Variants in KCNU1 observed in about 807,000 individuals in gnomAD.
The protein encoded by KCNU1 is potassium channel subfamily U member 1.
In KCNU1, 93 loss-of-function variants were observed where a neutral mutation model predicts 126.8. That is an observed-to-expected ratio of 0.73 (90% CI 0.62 to 0.87). KCNU1 has a LOEUF of 0.87. KCNU1 is among the 40% of genes least tolerant of loss of function. KCNU1 has a pLI of 0.00. For synonymous variants in KCNU1, 523 were observed against 494.2 expected (o/e 1.06, Z -0.77); for missense variants, 1,330 against 1,367.1 (o/e 0.97, Z 0.43).
At chr8:36,833,081 C>T (rs1804613421) in intron 10 of KCNU1, among the ~76,000 whole-genome samples, 1 of 151,988 alleles carries the variant, frequency 6.6e-6, no homozygotes, top group Admixed American at 6.6e-5. Context: ...AAGAAAAATA[C>T]CGTTTTGATA....
intron 2 of KCNU1, among the ~76,000 whole-genome samples, chr8:36,799,698 C>CT (rs1456249684): frequency 2.0e-4 from 27 of 135,542 alleles, no homozygotes; most frequent in Admixed American, 4.6e-4. Context: ...CCACACTTGG[C>CT]TATTTTTTTT....
intron 2 of KCNU1, among the ~76,000 whole-genome samples, chr8:36,802,129 A>T (rs1803334405): frequency 6.7e-6 from 1 of 149,394 alleles, no homozygotes; most frequent in African/African-American, 2.5e-5. Flanking sequence ...AAAAAAAAAA[A>T]AAAGGAACTT....
intron 24 of KCNU1, chr8:36,928,841 G>C: frequency 1.7e-6 from 1 of 575,102 alleles, no homozygotes; most frequent in South Asian, 2.1e-5. Context: ...GACAACCAGT[G>C]TCAGAACCAC....
intron 8 of KCNU1, among the ~76,000 whole-genome samples, chr8:36,814,779 A>G (rs1234920065): frequency 6.6e-6 from 1 of 152,226 alleles, no homozygotes; most frequent in Non-Finnish European, 1.5e-5. Flanking sequence ...AACAGCATTT[A>G]ACTTTAGAGA....
At chr8:36,910,433 C>T (rs1330228764) in intron 21 of KCNU1, among the ~76,000 whole-genome samples, 1 of 152,136 alleles carries the variant, frequency 6.6e-6, no homozygotes, top group East Asian at 1.9e-4. Context: ...AGACTCCAAC[C>T]TACCGGAAGA....
chr8:36,846,247 T>C (rs1389393033), intron 18 of KCNU1, among the ~76,000 whole-genome samples: 1 of 152,208 alleles, frequency 6.6e-6, no homozygotes, highest in East Asian at 1.9e-4. Flanking sequence ...TTTTCACAAC[T>C]TCAGACTGAA....
intron 19 of KCNU1, among the ~76,000 whole-genome samples, chr8:36,894,458 C>G (rs1000170693): frequency 6.6e-6 from 1 of 151,986 alleles, no homozygotes; most frequent in Non-Finnish European, 1.5e-5. Context: ...AAAAATGTAT[C>G]CAGACAAAAT....
At chr8:36,827,916 G>T (rs1191084575) in intron 10 of KCNU1, among the ~76,000 whole-genome samples, 2 of 152,118 alleles carry the variant, frequency 1.3e-5, no homozygotes, top group Non-Finnish European at 1.5e-5. Context: ...CTCTGTGTCA[G>T]TTCTGATTGT....
intron 14 of KCNU1, among the ~76,000 whole-genome samples, chr8:36,838,481 A>C (rs1162709269): frequency 1.3e-5 from 2 of 152,142 alleles, no homozygotes; most frequent in Admixed American, 1.3e-4. Flanking sequence ...ACTCGAGCTC[A>C]GGAGTTTGAG....
At chr8:36,932,692 C>T (rs773112367) in intron 25 of KCNU1, among the ~76,000 whole-genome samples, 1 of 152,080 alleles carries the variant, frequency 6.6e-6, no homozygotes, top group Middle Eastern at 3.2e-3. Context: ...CCACACCCAC[C>T]AGAAGCTCTT....
chr8:36,903,814 C>A (rs191106312), intron 19 of KCNU1, among the ~76,000 whole-genome samples: 1 of 152,234 alleles, frequency 6.6e-6, no homozygotes, highest in East Asian at 1.9e-4. Context: ...GAAGGGGAAG[C>A]AAAGAAGTCC....
Position 36,870,273 on chromosome 8 carries a change from A to C in KCNU1, c.2009+5752A>C, listed in dbSNP as rs992406979. Among the ~76,000 whole-genome samples, 13 of 152,160 alleles carry C rather than the reference A, an allele frequency of 8.5e-5. No homozygotes were observed. In the East Asian group the frequency reaches 2.3e-3, roughly 27 times the overall value. Reference sequence around the variant, plus strand: ...GTAAGAGGTTCAATCCAACTGGGATAAGTTGTTTGTTTCTTTTCTGGCACA... The same window carrying C: ...GTAAGAGGTTCAATCCAACTGGGATCAGTTGTTTGTTTCTTTTCTGGCACA... On this transcript the variant is annotated intron_variant, in intron 19 of 26. Coordinates refer to ENST00000399881, the MANE Select transcript of KCNU1 (RefSeq NM_001031836.3).
intron 2 of KCNU1, among the ~76,000 whole-genome samples, chr8:36,799,162 G>A (rs1585385895): frequency 6.6e-6 from 1 of 152,054 alleles, no homozygotes; most frequent in South Asian, 2.1e-4. Flanking sequence ...AAAATGACTG[G>A]TGTGACTTCT....
At position 36,936,090 on chromosome 8, in the gene KCNU1, G is replaced by T; in HGVS notation, c.*170G>T. On this transcript the variant is annotated 3_prime_UTR_variant, in exon 27 of 27. Transcript: ENST00000399881. ...GGTGAGACAAAAGTCTAATGCCACTGGATCTTGTGTGATAAATAAAGAAAT... is the reference window on the plus strand; with the variant it reads ...GGTGAGACAAAAGTCTAATGCCACTTGATCTTGTGTGATAAATAAAGAAAT... 1.9e-6 allele frequency: 1 copy of T among 514,118 alleles called. No individual in the cohort carries two copies. The highest frequency in any genetic ancestry group is 3.4e-6 in the Non-Finnish European group (1 of 296,838). The allele number at this position is 514,118 out of a possible 1,614,324, so 31.8% of individuals were successfully genotyped here.
At chr8:36,902,491 T>C (rs1807457309) in intron 19 of KCNU1, among the ~76,000 whole-genome samples, 1 of 152,086 alleles carries the variant, frequency 6.6e-6, no homozygotes, top group South Asian at 2.1e-4. Flanking sequence ...TAGTAGCAGC[T>C]GTAGACTTGA....
intron 2 of KCNU1, among the ~76,000 whole-genome samples, chr8:36,788,890 C>T (rs568500882): frequency 5.3e-5 from 8 of 152,134 alleles, no homozygotes; most frequent in African/African-American, 1.9e-4. Context: ...GAACTTACAA[C>T]ATCCATCATA....
chr8:36,908,328 A>G (rs990647106), intron 20 of KCNU1, among the ~76,000 whole-genome samples: 2 of 152,164 alleles, frequency 1.3e-5, no homozygotes, highest in African/African-American at 2.4e-5. Context: ...ACAATTGGCA[A>G]TGCTGATAGT....
intron 24 of KCNU1, among the ~76,000 whole-genome samples, chr8:36,923,249 G>A (rs1808426642): frequency 1.3e-5 from 2 of 152,178 alleles, no homozygotes; most frequent in Admixed American, 6.5e-5. Flanking sequence ...GGCACTGTTG[G>A]GGTGCTGGGG....
At chr8:36,833,969 G>T (rs1468308803) in intron 11 of KCNU1, among the ~76,000 whole-genome samples, 1 of 152,192 alleles carries the variant, frequency 6.6e-6, no homozygotes, top group Non-Finnish European at 1.5e-5. Flanking sequence ...GGATAGCAAG[G>T]TGTGTTTGAT....
Sources: allele counts gnomAD v4.1 joint callset (sites outside exome capture counted in the v4.1 genomes callset), GRCh38; gene constraint gnomAD v4.1.1; transcripts MANE v1.5; gene names NCBI Gene and HGNC (gene_info 2026-07-23, HGNC 2026-07-21).